The following CHLSN variants were observed in gnomAD, a reference collection of about 807,000 sequenced individuals.
The protein encoded by CHLSN is protein cholesin.
At chr7:1,079,903 T>A in the CHLSN span, among the ~76,000 whole-genome samples, 2 of 152,228 alleles carry the variant, frequency 1.3e-5, no homozygotes, top group Non-Finnish European at 2.9e-5. Context: ...GAACACACAA[T>A]TCTCAAGGTC....
At chr7:1,130,823 G>A in the CHLSN span, among the ~76,000 whole-genome samples, 5 of 152,290 alleles carry the variant, frequency 3.3e-5, no homozygotes, top group South Asian at 2.1e-4. Context: ...CAGCCCGGAC[G>A]GCTCAGACAC....
chr7:1,127,068 C>A, the CHLSN span, among the ~76,000 whole-genome samples: 1 of 152,194 alleles, frequency 6.6e-6, no homozygotes, highest in Non-Finnish European at 1.5e-5. Context: ...AGGGTTCCAA[C>A]TCAAAATTTA....
At chr7:995,716 G>C in the CHLSN span, among the ~76,000 whole-genome samples, 1 of 152,396 alleles carries the variant, frequency 6.6e-6, no homozygotes, top group Admixed American at 6.5e-5. Context: ...CTGAAGGTTC[G>C]TGCTGTGCAA....
chr7:1,035,157 G>C, the CHLSN span, among the ~76,000 whole-genome samples: 1 of 152,058 alleles, frequency 6.6e-6, no homozygotes, highest in South Asian at 2.1e-4. Context: ...TTGTGACTGT[G>C]AACAGTGCTA....
the CHLSN span, among the ~76,000 whole-genome samples, chr7:1,073,273 G>A: frequency 5.9e-5 from 9 of 152,100 alleles, no homozygotes; most frequent in Non-Finnish European, 1.2e-4. Context: ...AGAGGGCAGC[G>A]GAAGGGAAGG....
chr7:1,070,942 C>T, the CHLSN span, among the ~76,000 whole-genome samples: 8 of 120,804 alleles, frequency 6.6e-5, no homozygotes, highest in Non-Finnish European at 1.3e-4. Context: ...CGCACACATG[C>T]ACACACACAC....
chr7:985,687 T>C, the CHLSN span, among the ~76,000 whole-genome samples: 1 of 152,220 alleles, frequency 6.6e-6, no homozygotes, highest in Non-Finnish European at 1.5e-5. Context: ...TGACGCCCTT[T>C]ACAGTGCCCC....
the CHLSN span, among the ~76,000 whole-genome samples, chr7:1,106,395 G>T: frequency 2.0e-5 from 3 of 152,172 alleles, no homozygotes; most frequent in African/African-American, 7.2e-5. Flanking sequence ...TCTGGGTGCC[G>T]TGTGGGGGAG....
At chr7:979,569 T>C in the CHLSN span, among the ~76,000 whole-genome samples, 2 of 152,076 alleles carry the variant, frequency 1.3e-5, no homozygotes, top group African/African-American at 4.8e-5. Flanking sequence ...CTGGCCAACA[T>C]GGTGAAACCC....
the CHLSN span, among the ~76,000 whole-genome samples, chr7:1,036,382 C>T: frequency 1.9e-4 from 29 of 150,218 alleles, no homozygotes; most frequent in African/African-American, 6.9e-4. Context: ...GTGCAGGGCT[C>T]GGGTGCTCGT....
At chr7:1,136,521 TATATATAAACATATATATGAAC>T in the CHLSN span, among the ~76,000 whole-genome samples, 1 of 91,434 alleles carries the variant, frequency 1.1e-5, no homozygotes, top group Non-Finnish European at 2.4e-5. Flanking sequence ...CATATATAAA[TATATATAAACATATATATGAAC>T]ATATATAAAC....
the CHLSN span, among the ~76,000 whole-genome samples, chr7:1,037,156 T>C: frequency 6.8e-6 from 1 of 146,610 alleles, no homozygotes; most frequent in East Asian, 1.9e-4. Context: ...AGGATTTACT[T>C]CAGTCTGATA....
At chr7:1,005,891 G>A in the CHLSN span, among the ~76,000 whole-genome samples, 1 of 152,342 alleles carries the variant, frequency 6.6e-6, no homozygotes, top group African/African-American at 2.4e-5. Context: ...CCCAGGCAGG[G>A]GGCCGGCCCC....
At chr7:1,051,836 G>C in the CHLSN span, among the ~76,000 whole-genome samples, 10 of 152,182 alleles carry the variant, frequency 6.6e-5, no homozygotes, top group African/African-American at 2.4e-4. Flanking sequence ...ACATTAGCCA[G>C]CTGTAGTGGC....
chr7:1,015,933 C>G, the CHLSN span, among the ~76,000 whole-genome samples: 1 of 151,886 alleles, frequency 6.6e-6, no homozygotes, highest in East Asian at 1.9e-4. Context: ...GACGGAAATA[C>G]TCCTGACGCC....
chr7:1,068,574 C>G, the CHLSN span, among the ~76,000 whole-genome samples: 1 of 152,170 alleles, frequency 6.6e-6, no homozygotes, highest in East Asian at 1.9e-4. Flanking sequence ...TTGCTTAGGT[C>G]AGCAAGCTAC....
At chr7:1,111,127 G>A in the CHLSN span, among the ~76,000 whole-genome samples, 1 of 152,240 alleles carries the variant, frequency 6.6e-6, no homozygotes, top group Non-Finnish European at 1.5e-5. Flanking sequence ...CTGGCTTGGT[G>A]CTTTGCAGTC....
chr7:1,040,181 TTTAAA>T, the CHLSN span, among the ~76,000 whole-genome samples: 1 of 80,126 alleles, frequency 1.2e-5, no homozygotes, highest in Non-Finnish European at 2.1e-5. Context: ...AAAAAATAAA[TTTAAA>T]AAAAAAAAAA....
the CHLSN span, chr7:989,677 A>G: frequency 1.3e-5 from 2 of 156,260 alleles, no homozygotes; most frequent in African/African-American, 4.8e-5. Context: ...GCTACTCAGG[A>G]GGCTGAGACA....
Sources: gnomAD v4.1 joint callset for allele counts (sites outside exome capture counted in the v4.1 genomes callset) on GRCh38, gnomAD v4.1.1 for gene constraint, MANE v1.5 for transcripts, NCBI Gene and HGNC (gene_info 2026-07-23, HGNC 2026-07-21) for gene names.